The following PKHD1L1 variants were observed in gnomAD, a reference collection of about 807,000 sequenced individuals.
The protein encoded by PKHD1L1 is PKHD1 like 1.
PKHD1L1 carries 434 observed loss-of-function variants against 462.9 expected under a neutral mutation model. The observed-to-expected ratio is 0.94, with a 90% CI of 0.87 to 1.02. The LOEUF is 1.02. Among genes scored for constraint, PKHD1L1 ranks in the 50% least tolerant of loss-of-function variants. The pLI is 0.00. For missense variants in PKHD1L1, 5,202 were observed against 5,096.1 expected (o/e 1.02, Z -0.63); for synonymous variants, 1,781 against 1,750.0 (o/e 1.02, Z -0.44).
At position 109,387,373 on chromosome 8, in the gene PKHD1L1, C is replaced by G. The variant is rs1486684067; in HGVS notation, c.570-1124C>G. Among the ~76,000 whole-genome samples, 5 of 152,168 alleles carry G rather than the reference C, an allele frequency of 3.3e-5. No individual in the cohort carries two copies. In the East Asian group the frequency reaches 7.7e-4, roughly 23 times the overall value. On this transcript the variant is annotated intron_variant, in intron 6 of 77. Transcript: ENST00000378402. ...TTACTCTAGATACGCATACCCAGAT[C>G]ACTGTGTGGATTACCAACTGTGGTT... is the stretch of plus-strand genomic sequence containing the variant.
At chr8:109,371,956 C>G (rs1394493147) in intron 2 of PKHD1L1, among the ~76,000 whole-genome samples, 2 of 151,994 alleles carry the variant, frequency 1.3e-5, no homozygotes, top group Admixed American at 1.3e-4. Context: ...CAGCTTTGTT[C>G]TTTTGGCTTA....
rs1299642723 is a variant in PKHD1L1, at chr8:109,486,746, C to T, written c.9805C>T (p.Pro3269Ser). Residue 3269 changes from proline (P) to serine (S), a missense_variant, in exon 59 of 78, where the codon CCC becomes TCC. Physicochemically the swap from Pro to Ser is moderately conservative, Grantham distance 74. This residue lies in a region of PKHD1L1 where 4,497 missense variants were observed against 4,336.8 expected (regional missense o/e 1.04). Coordinates refer to ENST00000378402, the MANE Select transcript of PKHD1L1 (RefSeq NM_177531.6). ...CATCAAAATAGTTGGTGAAGATTAC[C>T]CCGGTTGGTCTGAGGACTCTTTTGG... ...RNIKIVGEDY[P>S]GWSEDSFGAR... The T allele has an allele frequency of 3.7e-6, 6 of 1,612,354 alleles. No individual in the cohort carries two copies. Among genetic ancestry groups the T allele is most frequent in the East Asian group, 2.2e-5 (1 of 44,826 alleles).
At chr8:109,528,903 T>C (rs879310764) in intron 77 of PKHD1L1, among the ~76,000 whole-genome samples, 4 of 152,106 alleles carry the variant, frequency 2.6e-5, no homozygotes, top group African/African-American at 4.8e-5. Context: ...TGTGGGCAAA[T>C]TGTAAAGAGC....
At chr8:109,503,672 G>A (rs1819549473) in intron 67 of PKHD1L1, among the ~76,000 whole-genome samples, 3 of 152,076 alleles carry the variant, frequency 2.0e-5, no homozygotes. Flanking sequence ...AGAAGCCAAG[G>A]GAAAAATAGT....
intron 76 of PKHD1L1, among the ~76,000 whole-genome samples, chr8:109,524,810 C>CCCCT (rs1554599975): frequency 7.0e-6 from 1 of 143,214 alleles, no homozygotes; most frequent in Admixed American, 7.1e-5. Context: ...CCCTCCATCC[C>CCCCT]TCCTTCCTTC....
chr8:109,489,119 C>T (rs1323307579), intron 59 of PKHD1L1, among the ~76,000 whole-genome samples: 1 of 151,948 alleles, frequency 6.6e-6, no homozygotes, highest in Admixed American at 6.6e-5. Context: ...ATCTTCTCAA[C>T]CATGTATAGA....
chr8:109,462,877 C>T (rs1223708027), intron 48 of PKHD1L1, among the ~76,000 whole-genome samples: 2 of 151,964 alleles, frequency 1.3e-5, no homozygotes, highest in Non-Finnish European at 2.9e-5. Flanking sequence ...TCCTCCTCCA[C>T]CAAATACTTG....
At chr8:109,448,525 T>C in intron 39 of PKHD1L1, 134 bp downstream of exon 39, 1 of 1,146,676 alleles carries the variant, frequency 8.7e-7, no homozygotes, top group Non-Finnish European at 1.2e-6. Flanking sequence ...TGGTTTTTTT[T>C]TTTTGAGACA....
Position 109,425,191 on chromosome 8 carries a change from G to C in PKHD1L1, c.2804G>C (p.Ser935Thr), listed in dbSNP as rs754235505. ...ATTCAAGCTGCATCTCCACCTCTAA[G>C]TGGCAGCTTTGACATTCAAGCTTAT... ...QRIQAASPPL[S>T]GSFDIQAYGH... Residue 935 changes from serine (S) to threonine (T), a missense_variant, in exon 24 of 78, where the codon AGT (serine) becomes ACT (threonine). Around this residue, in one of 3 missense-constraint regions of PKHD1L1, gnomAD observed 4,497 missense variants for 4,336.8 expected, o/e 1.04. Coordinates refer to ENST00000378402, the MANE Select transcript of PKHD1L1 (RefSeq NM_177531.6). 1 of 1,607,610 alleles carries C rather than the reference G, an allele frequency of 6.2e-7. No individual in the cohort carries two copies. The highest frequency in any genetic ancestry group is 8.5e-7 in the Non-Finnish European group (1 of 1,177,800).
At chr8:109,500,728 C>A (rs544559906) in intron 67 of PKHD1L1, among the ~76,000 whole-genome samples, 2 of 148,258 alleles carry the variant, frequency 1.3e-5, no homozygotes, top group East Asian at 2.0e-4. Flanking sequence ...CTTATGAAGC[C>A]ATGACTTCTG....
Position 109,427,119 on chromosome 8 carries a change from A to G in PKHD1L1, c.2963A>G (p.Lys988Arg), listed in dbSNP as rs1169603951. ...GTCAGYAWNI[K>R]WRSTCGKQNL... Reference sequence around the variant, plus strand: ...TGTGCTGGCTACGCGTGGAACATCAAATGGAGAAGCACCTGCGGAAAGCAG... The same window carrying G: ...TGTGCTGGCTACGCGTGGAACATCAGATGGAGAAGCACCTGCGGAAAGCAG... Residue 988 changes from lysine to arginine, a missense_variant, in exon 25 of 78, where the codon AAA becomes AGA. Coordinates refer to ENST00000378402, the MANE Select transcript of PKHD1L1 (RefSeq NM_177531.6). 1.2e-6 allele frequency: 2 copies of G among 1,613,894 alleles called. No individual in the cohort carries two copies. The highest frequency in any genetic ancestry group is 1.7e-5 in the Admixed American group (1 of 60,024).
At chr8:109,415,656 G>C (rs966598170) in intron 21 of PKHD1L1, among the ~76,000 whole-genome samples, 6 of 151,690 alleles carry the variant, frequency 4.0e-5, no homozygotes, top group Admixed American at 2.6e-4. Flanking sequence ...AAAAAAGGAG[G>C]GGGCTGGGCA....
rs546933101 is a variant in PKHD1L1 at position 109,430,600 on chromosome 8, G to A, written c.3229+563G>A. ...CTTCAAAAATGTGATTATGCTTTGT[G>A]TCTGAGCAACTAAGGACTGAAATAA... On this transcript the variant is annotated intron_variant, in intron 27 of 77. Transcript: ENST00000378402. Among the ~76,000 whole-genome samples the A allele has an allele frequency of 3.9e-5, 6 of 152,194 alleles. No homozygotes were observed. The South Asian group carries it at 8.3e-4, about 21-fold the overall frequency.
chr8:109,395,637 A>G (rs1812931807), intron 10 of PKHD1L1, among the ~76,000 whole-genome samples: 2 of 152,332 alleles, frequency 1.3e-5, no homozygotes, highest in South Asian at 4.1e-4. Flanking sequence ...TAAATGTGTT[A>G]CTCTAAAAGA....
At chr8:109,460,923 T>C (rs1001380487) in intron 47 of PKHD1L1, among the ~76,000 whole-genome samples, 1 of 152,104 alleles carries the variant, frequency 6.6e-6, no homozygotes, top group Non-Finnish European at 1.5e-5. Flanking sequence ...TAGCAACTCA[T>C]TGCTTTGGTC....
rs1821048912 is a variant in PKHD1L1 at position 109,531,859 on chromosome 8, TA to T, written c.*1770del. Among the ~76,000 whole-genome samples the T allele has an allele frequency of 6.6e-6, 1 of 151,608 alleles. No homozygotes were observed. Among genetic ancestry groups the T allele is most frequent in the African/African-American group, 2.4e-5 (1 of 41,280 alleles). ...GGGTGAAAAACCTCTGTTCCTGGGA[TA>T]GGGAGGGGGAAAGAGACCCAACATG... On this transcript the variant is annotated 3_prime_UTR_variant, in exon 78 of 78. Transcript: ENST00000378402.
At chr8:109,501,727 A>C (rs1351461245) in intron 67 of PKHD1L1, among the ~76,000 whole-genome samples, 2 of 152,180 alleles carry the variant, frequency 1.3e-5, no homozygotes, top group African/African-American at 4.8e-5. Flanking sequence ...TGATTTTGTA[A>C]GGGCTGGGGT....
At chr8:109,468,859 G>A (rs755443639) in intron 50 of PKHD1L1, among the ~76,000 whole-genome samples, 1 of 152,140 alleles carries the variant, frequency 6.6e-6, no homozygotes, top group African/African-American at 2.4e-5. Flanking sequence ...GGGGCTTTTG[G>A]TCTGTGAATT....
chr8:109,456,674 T>C (rs1222198611), intron 46 of PKHD1L1, among the ~76,000 whole-genome samples: 1 of 152,186 alleles, frequency 6.6e-6, no homozygotes, highest in African/African-American at 2.4e-5. Context: ...TTGGCTCCCA[T>C]GTAAGAATCT....
Sources: gnomAD v4.1 joint callset for allele counts (sites outside exome capture counted in the v4.1 genomes callset) on GRCh38, gnomAD v4.1.1 for gene constraint, gnomAD v4.1.1 regional missense constraint, MANE v1.5 for transcripts, NCBI Gene and HGNC (gene_info 2026-07-23, HGNC 2026-07-21) for gene names.